The following ABCA1 variants were observed in gnomAD, a reference collection of about 807,000 sequenced individuals.
ABCA1 encodes the protein phospholipid-transporting ATPase ABCA1.
In ABCA1, 133 loss-of-function variants were observed where a neutral mutation model predicts 262.5. The observed-to-expected ratio is 0.51, with a 90% confidence interval of 0.44 to 0.59. ABCA1 has a LOEUF of 0.59. ABCA1 is among the 20% of genes least tolerant of loss of function. ABCA1 has a pLI of 0.00. For synonymous variants in ABCA1, 1,022 were observed against 1,043.5 expected (o/e 0.98, Z 0.40); for missense variants, 2,452 against 2,777.5 (o/e 0.88, Z 2.63).
intron 36 of ABCA1, 88 bp downstream of exon 36, chr9:104,799,731 C>T: frequency 1.2e-6 from 2 of 1,612,384 alleles, no homozygotes; most frequent in South Asian, 2.2e-5. Context: ...TGCAGCTGTT[C>T]CCCTACAATG....
chr9:104,810,445 G>A (rs1831178268), intron 29 of ABCA1, among the ~76,000 whole-genome samples: 1 of 152,124 alleles, frequency 6.6e-6, no homozygotes, highest in Non-Finnish European at 1.5e-5. Flanking sequence ...CTTTGACAGT[G>A]TGCCCTGTGA....
At position 104,814,541 on chromosome 9, in the gene ABCA1, G is replaced by A. The variant is rs9282540; in HGVS notation, c.3739-66C>T. The A allele has an allele frequency of 0.015, 20,727 of 1,426,850 alleles. 1,869 individuals carry two copies. In the African/African-American group the frequency reaches 0.22, roughly 15 times the overall value. The allele number at this position is 1,426,850 out of a possible 1,614,324, so 88.4% of individuals were successfully genotyped here. Reference sequence around the variant, plus strand: ...TTACGAGAGTAGTCACCACTGCCACGATTATTATATTACTGAGTGGCATGT... The same window carrying A: ...TTACGAGAGTAGTCACCACTGCCACAATTATTATATTACTGAGTGGCATGT... On this transcript the variant is annotated intron_variant, in intron 25 of 49. Transcript: ENST00000374736.
intron 1 of ABCA1, among the ~76,000 whole-genome samples, chr9:104,912,558 G>A (rs1333461802): frequency 6.6e-6 from 1 of 152,144 alleles, no homozygotes; most frequent in Non-Finnish European, 1.5e-5. Flanking sequence ...ACAAGAGCCA[G>A]GATTTCTGAA....
intron 44 of ABCA1, among the ~76,000 whole-genome samples, chr9:104,789,690 G>A (rs999041346): frequency 6.6e-6 from 1 of 152,180 alleles, no homozygotes; most frequent in Non-Finnish European, 1.5e-5. Flanking sequence ...TTATACATGT[G>A]TCTACATGTC....
At chr9:104,785,333 G>A (rs965379879) in intron 49 of ABCA1, 63 bp downstream of exon 49, 32 of 1,601,644 alleles carry the variant, frequency 2.0e-5, no homozygotes, top group South Asian at 5.5e-5. Context: ...ACCTATGGGC[G>A]GGAGTGTCGG....
intron 36 of ABCA1, among the ~76,000 whole-genome samples, chr9:104,799,285 G>T (rs1830137808): frequency 6.6e-6 from 1 of 151,818 alleles, no homozygotes; most frequent in African/African-American, 2.4e-5. Context: ...TACATGAACT[G>T]CCTCATTTAA....
At chr9:104,794,589 A>G in intron 39 of ABCA1, 79 bp from the exon 40 acceptor site, 3 of 1,533,374 alleles carry the variant, frequency 2.0e-6, no homozygotes, top group Non-Finnish European at 2.6e-6. Context: ...TTATCCTAAA[A>G]ATGTATCAAG....
At position 104,915,182 on chromosome 9, in the gene ABCA1, T is replaced by C. The variant is rs147278663; in HGVS notation, c.-92-11411A>G. ...ATCCAATCTCCAGGCTCTTGTCCAG[T>C]TCTAGTTCATACAGTATCGGCAGCC... is the stretch of plus-strand genomic sequence containing the variant. On this transcript the variant is annotated intron_variant, in intron 1 of 49. Transcript: ENST00000374736. Among the ~76,000 whole-genome samples, 665 of 152,350 alleles carry C rather than the reference T, an allele frequency of 4.4e-3. 3 individuals carry two copies. The highest frequency in any genetic ancestry group is 0.024 in the Middle Eastern group (7 of 294).
intron 3 of ABCA1, among the ~76,000 whole-genome samples, chr9:104,885,053 T>G (rs971298927): frequency 1.3e-5 from 2 of 152,044 alleles, no homozygotes; most frequent in African/African-American, 2.4e-5. Flanking sequence ...CTGGCCAACA[T>G]GGCGAAACCC....
intron 1 of ABCA1, among the ~76,000 whole-genome samples, chr9:104,913,590 C>T (rs994368196): frequency 1.3e-5 from 2 of 152,062 alleles, no homozygotes; most frequent in East Asian, 1.9e-4. Context: ...CAAACTGGAG[C>T]GCTCTCCAGT....
At chr9:104,824,712 G>C in intron 17 of ABCA1, 134 bp from the exon 18 acceptor site, 2 of 1,133,576 alleles carry the variant, frequency 1.8e-6, no homozygotes, top group Non-Finnish European at 2.6e-6. Context: ...GGGAAAGAGG[G>C]AGCTAACATT....
At chr9:104,855,830 G>A in intron 7 of ABCA1, 2 of 1,607,374 alleles carry the variant, frequency 1.2e-6, no homozygotes, top group East Asian at 4.5e-5. Flanking sequence ...GCTTTCCAGA[G>A]CACCCAGATT....
Position 104,814,288 on chromosome 9 carries a change from TC to T in ABCA1, c.3788-58del, listed in dbSNP as rs1831535509. The T allele has an allele frequency of 2.5e-6, 4 of 1,588,456 alleles. No individual in the cohort carries two copies. The Admixed American group carries it at 6.7e-5, about 27-fold the overall frequency. ...ATTTTATTTACAACAAAACAAACCT[TC>T]CCCATCTGCAACAAACCTACACTCT... On this transcript the variant is annotated intron_variant, in intron 26 of 49. Transcript: ENST00000374736.
At position 104,824,459 on chromosome 9, in the gene ABCA1, A is replaced by G. The variant is rs766083463; in HGVS notation, c.2656+6T>C. ...AAAGAAAGAGCAGGAGGTCAACAGC[A>G]CTTACTTTCTGATATTCTCTTCTGG... On this transcript the variant is annotated splice_donor_region_variant and intron_variant, in intron 18 of 49. Transcript: ENST00000374736. 5 of 1,613,996 alleles carry G rather than the reference A, an allele frequency of 3.1e-6. No individual in the cohort carries two copies. In the African/African-American group the frequency reaches 6.7e-5, roughly 22 times the overall value.
chr9:104,847,198 T>G (rs540057620), intron 7 of ABCA1, among the ~76,000 whole-genome samples: 9 of 152,230 alleles, frequency 5.9e-5, no homozygotes, highest in Admixed American at 5.2e-4. Flanking sequence ...AAGGACTCAA[T>G]GGAAATAAGA....
At chr9:104,913,662 G>C (rs1164848301) in intron 1 of ABCA1, among the ~76,000 whole-genome samples, 1 of 152,154 alleles carries the variant, frequency 6.6e-6, no homozygotes, top group Non-Finnish European at 1.5e-5. Context: ...TCTGACCATT[G>C]TTTTACTATA....
chr9:104,836,025 T>TA (rs1357184002), intron 11 of ABCA1, among the ~76,000 whole-genome samples: 1 of 152,208 alleles, frequency 6.6e-6, no homozygotes, highest in Non-Finnish European at 1.5e-5. Context: ...GGCTAGATCA[T>TA]ATAACCCTCC....
At chr9:104,869,979 C>T (rs1037387120) in intron 5 of ABCA1, among the ~76,000 whole-genome samples, 16 of 152,160 alleles carry the variant, frequency 1.1e-4, no homozygotes, top group Non-Finnish European at 1.9e-4. Context: ...ACACATACTC[C>T]TTGAGAAAAT....
intron 5 of ABCA1, among the ~76,000 whole-genome samples, chr9:104,872,458 A>T (rs906385601): frequency 6.6e-6 from 1 of 152,206 alleles, no homozygotes; most frequent in Non-Finnish European, 1.5e-5. Context: ...TAAGCCTAGG[A>T]GTCAGACCCC....
Sources: gnomAD v4.1 joint callset for allele counts (sites outside exome capture counted in the v4.1 genomes callset) on GRCh38, gnomAD v4.1.1 for gene constraint, MANE v1.5 for transcripts, NCBI Gene and HGNC (gene_info 2026-07-23, HGNC 2026-07-21) for gene names.